Variants in RANBP17 observed in about 807,000 individuals in gnomAD.
RANBP17 encodes ran-binding protein 17.
Under a neutral mutation model 141.2 loss-of-function variants are expected in RANBP17, and 158 were observed. That is an observed-to-expected ratio of 1.12 (90% CI 0.98 to 1.28). The LOEUF is 1.28. RANBP17 is among the 50% of genes most tolerant of loss of function. The probability of loss-of-function intolerance (pLI) is 0.00; values close to 1 mark genes in which losing one functional copy is unlikely to be tolerated. For synonymous variants in RANBP17, 430 were observed against 450.0 expected, an observed-to-expected ratio of 0.96 and a Z score of 0.56; for missense variants, 1,438 against 1,290.7, an observed-to-expected ratio of 1.11 and a Z score of -1.75.
At chr5:171,273,507 C>G (rs1241784088) in intron 25 of RANBP17, among the ~76,000 whole-genome samples, 1 of 152,188 alleles carries the variant, frequency 6.6e-6, no homozygotes, top group Non-Finnish European at 1.5e-5. Flanking sequence ...CTCAGCACAC[C>G]TCCAGCTAAT....
At chr5:171,066,005 C>T (rs151183706) in intron 14 of RANBP17, among the ~76,000 whole-genome samples, 1,886 of 151,878 alleles carry the variant, frequency 0.012, 11 homozygotes, top group Non-Finnish European at 0.018. Flanking sequence ...AGATTACAGA[C>T]GCCCACCACC....
At chr5:171,273,390 G>A (rs1001055318) in intron 25 of RANBP17, among the ~76,000 whole-genome samples, 1 of 152,076 alleles carries the variant, frequency 6.6e-6, no homozygotes, top group African/African-American at 2.4e-5. Flanking sequence ...ACTATACCAG[G>A]TGTCACAAAC....
intron 14 of RANBP17, among the ~76,000 whole-genome samples, chr5:171,057,855 A>T (rs2127664550): frequency 6.6e-6 from 1 of 152,188 alleles, no homozygotes; most frequent in South Asian, 2.1e-4. Context: ...CATGGGGGAA[A>T]CTGCCCCCAT....
chr5:171,165,900 A>G (rs1044504588), intron 14 of RANBP17, among the ~76,000 whole-genome samples: 5 of 152,176 alleles, frequency 3.3e-5, no homozygotes, highest in Non-Finnish European at 1.5e-5. Flanking sequence ...TTAAAATGAC[A>G]ACATTTTACC....
At chr5:171,057,554 T>G (rs902725350) in intron 14 of RANBP17, among the ~76,000 whole-genome samples, 2 of 152,112 alleles carry the variant, frequency 1.3e-5, no homozygotes, top group Non-Finnish European at 2.9e-5. Flanking sequence ...CCCCCCAGTC[T>G]CCATTGCTTT....
Position 171,063,777 on chromosome 5 carries a change from A to G in RANBP17, c.1710+95400A>G, listed in dbSNP as rs554554615. The stretch of plus-strand genomic sequence containing the variant: ...CCCTGCCCCCAGAGGTGGAGCCTAC[A>G]GAGGCAGGCAGGCTTCCTTGAGCTG... On this transcript the variant is annotated intron_variant, in intron 14 of 27. Coordinates refer to ENST00000523189, the MANE Select transcript of RANBP17 (RefSeq NM_022897.5). Among the ~76,000 whole-genome samples, 4 of 152,328 alleles carry G rather than the reference A, an allele frequency of 2.6e-5. No homozygotes were observed. The South Asian group carries it at 8.3e-4, about 32-fold the overall frequency.
intron 1 of RANBP17, among the ~76,000 whole-genome samples, chr5:170,864,172 T>TA (rs1213272735): frequency 1.3e-5 from 2 of 152,184 alleles, no homozygotes; most frequent in Non-Finnish European, 2.9e-5. Flanking sequence ...GTTACAGAGT[T>TA]AGAGTAGGCC....
Position 170,905,167 on chromosome 5 carries a change from A to G in RANBP17, c.490-4494A>G, listed in dbSNP as rs147828977. Among the ~76,000 whole-genome samples, 944 of 152,256 alleles carry G rather than the reference A, an allele frequency of 6.2e-3. 9 individuals are homozygous for G. Among genetic ancestry groups the G allele is most frequent in the Non-Finnish European group, 0.01 (685 of 67,986 alleles). The stretch of plus-strand genomic sequence containing the variant: ...TACAAGGGGAGTTTTCAGAAGCTGT[A>G]CTTCTCCCCAACAGTGCTTTTATGA... On this transcript the variant is annotated intron_variant, in intron 5 of 27. Transcript: ENST00000523189.
intron 12 of RANBP17, among the ~76,000 whole-genome samples, chr5:170,950,152 G>A (rs1775091351): frequency 1.3e-5 from 2 of 151,978 alleles, no homozygotes; most frequent in South Asian, 4.2e-4. Flanking sequence ...GAAAACATGG[G>A]GAGACACTTC....
intron 14 of RANBP17, among the ~76,000 whole-genome samples, chr5:170,987,828 G>A (rs547292804): frequency 7.4e-4 from 112 of 151,632 alleles, no homozygotes; most frequent in African/African-American, 2.5e-3. Flanking sequence ...TAAAATCTTT[G>A]CAGCCACTGG....
chr5:171,275,719 T>C (rs1457122743), intron 25 of RANBP17, among the ~76,000 whole-genome samples: 1 of 152,180 alleles, frequency 6.6e-6, no homozygotes, highest in African/African-American at 2.4e-5. Flanking sequence ...AGATTAGCAT[T>C]ATAATGGCAC....
At chr5:171,180,684 CATAA>C (rs1760810350) in intron 16 of RANBP17, among the ~76,000 whole-genome samples, 1 of 152,124 alleles carries the variant, frequency 6.6e-6, no homozygotes, top group South Asian at 2.1e-4. Context: ...TATAAGATAA[CATAA>C]ATATTCAGAT....
intron 14 of RANBP17, among the ~76,000 whole-genome samples, chr5:171,013,580 A>G (rs1780216066): frequency 1.3e-5 from 2 of 152,096 alleles, no homozygotes; most frequent in Admixed American, 1.3e-4. Flanking sequence ...TTAACTATAT[A>G]TGTGTAGATC....
At chr5:171,139,244 C>T (rs1757532143) in intron 14 of RANBP17, among the ~76,000 whole-genome samples, 1 of 152,056 alleles carries the variant, frequency 6.6e-6, no homozygotes, top group Non-Finnish European at 1.5e-5. Flanking sequence ...AGAGATAGTT[C>T]CCTCATTTGG....
At chr5:170,900,386 A>G (rs1422920283) in intron 5 of RANBP17, among the ~76,000 whole-genome samples, 1 of 151,706 alleles carries the variant, frequency 6.6e-6, no homozygotes, top group Non-Finnish European at 1.5e-5. Context: ...TATTGTGTCT[A>G]TTTGATTCTT....
chr5:171,278,980 C>T (rs941046905), intron 25 of RANBP17, among the ~76,000 whole-genome samples: 7 of 152,202 alleles, frequency 4.6e-5, no homozygotes, highest in Non-Finnish European at 7.3e-5. Context: ...GCTATTTATA[C>T]TATAAATGTG....
intron 14 of RANBP17, among the ~76,000 whole-genome samples, chr5:171,063,300 T>G (rs1784043427): frequency 6.6e-6 from 1 of 152,192 alleles, no homozygotes; most frequent in Admixed American, 6.5e-5. Flanking sequence ...TTTATCTACT[T>G]TTGGTCTTTG....
chr5:171,155,449 A>G (rs983449399), intron 14 of RANBP17, among the ~76,000 whole-genome samples: 4 of 152,140 alleles, frequency 2.6e-5, no homozygotes, highest in Non-Finnish European at 5.9e-5. Flanking sequence ...AGCATTTACT[A>G]TTAAAAAAGA....
rs766057211 is a variant in RANBP17 at position 171,295,997 on chromosome 5, C to T, written c.3153C>T (p.Ser1051=). 15 of 1,613,332 alleles carry T rather than the reference C, an allele frequency of 9.3e-6. No individual in the cohort carries two copies. The highest frequency in any genetic ancestry group is 7.7e-5 in the South Asian group (7 of 91,030). Residue 1051 remains serine, a synonymous_variant, in exon 27 of 28, where the codon TCC becomes TCT. Transcript: ENST00000523189. ...NLMEGVEQNL[S]VKNRDRFTQN... is the part of the protein sequence containing the mutation. ...TGGAAGGAGTGGAGCAGAACCTGTC[C>T]GTCAAGAACAGAGACAGGTGAGCAT...
Sources: gnomAD v4.1 joint callset for allele counts (sites outside exome capture counted in the v4.1 genomes callset) on GRCh38, gnomAD v4.1.1 for gene constraint, MANE v1.5 for transcripts, NCBI Gene and HGNC (gene_info 2026-07-23, HGNC 2026-07-21) for gene names.